The following VAV3 variants were observed in gnomAD, a reference collection of about 807,000 sequenced individuals.
VAV3 encodes vav guanine nucleotide exchange factor 3.
A neutral mutation model predicts 131.2 loss-of-function variants in VAV3; 94 were observed. The ratio of observed to expected loss-of-function variants is 0.72; its 90% CI spans 0.61 to 0.85. The LOEUF (loss-of-function observed/expected upper bound fraction) is 0.85. VAV3 is among the 40% of genes least tolerant of loss of function. The pLI is 0.00. For missense variants in VAV3, 939 were observed against 1,002.7 expected (o/e 0.94, Z 0.86); for synonymous variants, 349 against 342.0 (o/e 1.02, Z -0.22).
At chr1:107,867,482 C>G (rs967995209) in intron 2 of VAV3, among the ~76,000 whole-genome samples, 1 of 152,088 alleles carries the variant, frequency 6.6e-6, no homozygotes, top group African/African-American at 2.4e-5. Flanking sequence ...CAAAGGAGGG[C>G]AATAGTGCTA....
rs771582174 is a variant in VAV3 at position 107,617,551 on chromosome 1, A to G, written c.1980+16T>C. The G allele has an allele frequency of 1.3e-6, 2 of 1,592,922 alleles. No individual in the cohort carries two copies. Among genetic ancestry groups the G allele is most frequent in the South Asian group, 1.2e-5 (1 of 85,510 alleles). ...AACAAAATGAAGCAAGAGAAAATTA[A>G]GATACTAATACTTACACATGGGCAA... On this transcript the variant is annotated intron_variant, in intron 21 of 26. Coordinates refer to ENST00000370056, the MANE Select transcript of VAV3 (RefSeq NM_006113.5).
At chr1:107,637,580 G>A (rs574623050) in intron 20 of VAV3, among the ~76,000 whole-genome samples, 5 of 152,180 alleles carry the variant, frequency 3.3e-5, no homozygotes, top group South Asian at 2.1e-4. Context: ...CCGTGATCCC[G>A]CCGCTGCACT....
At chr1:107,630,346 G>A (rs1654368111) in intron 20 of VAV3, among the ~76,000 whole-genome samples, 1 of 148,310 alleles carries the variant, frequency 6.7e-6, no homozygotes, top group Non-Finnish European at 1.5e-5. Flanking sequence ...AGAATGGATG[G>A]GAGGATGGAT....
intron 25 of VAV3, among the ~76,000 whole-genome samples, chr1:107,587,123 T>C (rs1650563720): frequency 1.3e-5 from 2 of 152,178 alleles, no homozygotes; most frequent in African/African-American, 2.4e-5. Flanking sequence ...TTAAGCTGTA[T>C]TGTATGTAAC....
chr1:107,777,674 G>C (rs1487127359), intron 3 of VAV3: 2 of 209,308 alleles, frequency 9.6e-6, no homozygotes, highest in Non-Finnish European at 1.9e-5. Flanking sequence ...ATGTACCCTT[G>C]CCTTCAGCAC....
chr1:107,949,313 T>A (rs79099184), intron 1 of VAV3, among the ~76,000 whole-genome samples: 1 of 94,398 alleles, frequency 1.1e-5, no homozygotes, highest in Non-Finnish European at 2.2e-5. Context: ...TTTATTTTTG[T>A]TTGTTTGTTT....
At chr1:107,675,011 G>A (rs1658088208) in intron 19 of VAV3, among the ~76,000 whole-genome samples, 1 of 152,166 alleles carries the variant, frequency 6.6e-6, no homozygotes, top group South Asian at 2.1e-4. Flanking sequence ...AGCAGTGTAA[G>A]TGAGTTTGAA....
At chr1:107,673,031 A>C (rs142052485) in intron 19 of VAV3, among the ~76,000 whole-genome samples, 1 of 152,216 alleles carries the variant, frequency 6.6e-6, no homozygotes, top group Non-Finnish European at 1.5e-5. Flanking sequence ...TTGTACCTCT[A>C]TGACGCCATT....
intron 16 of VAV3, 101 bp from the exon 17 acceptor site, chr1:107,704,751 A>G: frequency 1.9e-6 from 2 of 1,066,604 alleles, no homozygotes; most frequent in South Asian, 2.8e-5. Context: ...AGTGCTCTTC[A>G]AGGTACCCCC....
intron 2 of VAV3, among the ~76,000 whole-genome samples, chr1:107,858,033 A>G (rs528888048): frequency 6.6e-6 from 1 of 152,328 alleles, no homozygotes; most frequent in South Asian, 2.1e-4. Flanking sequence ...AACAAACTAC[A>G]ACCACTCTGG....
chr1:107,767,398 G>A (rs572367023), intron 7 of VAV3, among the ~76,000 whole-genome samples: 1 of 152,146 alleles, frequency 6.6e-6, no homozygotes, highest in East Asian at 1.9e-4. Flanking sequence ...TCTCCTTAGT[G>A]GTGTAGAAAG....
At chr1:107,728,833 T>A (rs916148482) in intron 15 of VAV3, among the ~76,000 whole-genome samples, 9 of 152,190 alleles carry the variant, frequency 5.9e-5, no homozygotes, top group African/African-American at 2.2e-4. Context: ...TATAGAATTA[T>A]AATTGTCACC....
intron 1 of VAV3, among the ~76,000 whole-genome samples, chr1:107,906,928 T>C (rs1484262746): frequency 6.6e-6 from 1 of 152,192 alleles, no homozygotes; most frequent in Non-Finnish European, 1.5e-5. Context: ...GTTCTTAGGC[T>C]TTCTTAGTTT....
At chr1:107,913,507 A>G (rs1366703611) in intron 1 of VAV3, among the ~76,000 whole-genome samples, 2 of 152,254 alleles carry the variant, frequency 1.3e-5, no homozygotes, top group Admixed American at 6.5e-5. Context: ...CCATAGCAAG[A>G]ACTCAATTCA....
chr1:107,583,339 A>G (rs1650222413), intron 25 of VAV3, among the ~76,000 whole-genome samples: 1 of 152,236 alleles, frequency 6.6e-6, no homozygotes, highest in Admixed American at 6.5e-5. Flanking sequence ...TTCCCTTTGC[A>G]AACTGGCACA....
chr1:107,919,399 T>C (rs545685300), intron 1 of VAV3, among the ~76,000 whole-genome samples: 11 of 152,350 alleles, frequency 7.2e-5, no homozygotes, highest in African/African-American at 2.4e-4. Flanking sequence ...GGCTGATAAG[T>C]TCTGATGGTT....
At chr1:107,629,485 C>T (rs1047144222) in intron 20 of VAV3, among the ~76,000 whole-genome samples, 2 of 152,150 alleles carry the variant, frequency 1.3e-5, no homozygotes, top group Non-Finnish European at 2.9e-5. Context: ...CAGAATTGTC[C>T]TGCATGTTGT....
chr1:107,608,692 T>C (rs1652491101), intron 22 of VAV3, among the ~76,000 whole-genome samples: 1 of 151,846 alleles, frequency 6.6e-6, no homozygotes, highest in Non-Finnish European at 1.5e-5. Flanking sequence ...CCGAGGAGAG[T>C]CCCATACATT....
intron 2 of VAV3, among the ~76,000 whole-genome samples, chr1:107,834,039 A>C (rs1295699726): frequency 6.6e-6 from 1 of 152,216 alleles, no homozygotes; most frequent in African/African-American, 2.4e-5. Flanking sequence ...CACTCACTTT[A>C]AGATATTTAG....
Sources: gnomAD v4.1 joint callset for allele counts (sites outside exome capture counted in the v4.1 genomes callset) on GRCh38, gnomAD v4.1.1 for gene constraint, MANE v1.5 for transcripts, NCBI Gene and HGNC (gene_info 2026-07-23, HGNC 2026-07-21) for gene names.